TTN: variants seen among roughly 807,000 people sequenced by gnomAD.
TTN encodes the protein titin.
In TTN, 1,525 loss-of-function variants were observed where a neutral mutation model predicts 3,223.0. The observed-to-expected ratio is 0.47, with a 90% confidence interval of 0.45 to 0.49. The LOEUF (loss-of-function observed/expected upper bound fraction) is 0.49. Ranked by LOEUF, TTN falls within the 20% of genes least tolerant of loss-of-function variation. The probability of loss-of-function intolerance (pLI) is 0.00; values close to 1 mark genes in which losing one functional copy is unlikely to be tolerated. For missense variants in TTN, 40,786 were observed against 43,424.0 expected, an observed-to-expected ratio of 0.94 and a Z score of 5.40; for synonymous variants, 14,094 against 15,161.0, an observed-to-expected ratio of 0.93 and a Z score of 5.17.
intron 92 of TTN, 104 bp downstream of exon 92, chr2:178,713,793 G>A (rs2077050264): frequency 7.2e-7 from 1 of 1,391,886 alleles, no homozygotes; most frequent in Admixed American, 2.6e-5. Context: ...GAAGATGTCG[G>A]ACTCATGTTA....
chr2:178,724,171 C>G (rs1258093779), intron 72 of TTN, 28 bp from the exon 73 acceptor site: 4 of 1,590,330 alleles, frequency 2.5e-6, no homozygotes, highest in Admixed American at 3.5e-5. Context: ...AGAGACTCAT[C>G]ATGATTTGAA....
chr2:178,748,675 G>A lies in TTN; in HGVS notation c.11311+4449C>T, dbSNP rs747401073. Reference sequence around the variant, plus strand: ...TTATTTGAGTGTGAAACTGCTTTAAGTCAAATGTAATAGGTGATTCATGTT... The same window carrying A: ...TTATTTGAGTGTGAAACTGCTTTAAATCAAATGTAATAGGTGATTCATGTT... On this transcript the variant is annotated intron_variant, in intron 47 of 362. Coordinates refer to ENST00000589042, the MANE Select transcript of TTN (RefSeq NM_001267550.2). 34 of 1,612,690 alleles carry A rather than the reference G, an allele frequency of 2.1e-5. 1 individual carries two copies. In the Admixed American group the frequency reaches 4.8e-4, roughly 23 times the overall value.
At chr2:178,764,039 TAA>T (rs1312607228) in intron 43 of TTN, 136 bp downstream of exon 43, 2 of 1,294,628 alleles carry the variant, frequency 1.5e-6, no homozygotes, top group East Asian at 2.4e-5. Context: ...ATAATTGAAA[TAA>T]GTTTTCTGTT....
rs1256578583 is a variant in TTN at position 178,604,153 on chromosome 2, G to A, written c.54534C>T (p.Arg18178=). 6.2e-7 allele frequency: 1 copy of A among 1,612,294 alleles called. No individual in the cohort carries two copies. Among genetic ancestry groups the A allele is most frequent in the East Asian group, 2.2e-5 (1 of 44,712 alleles). The change falls in exon 282 of 363, where the codon CGC becomes CGT. Residue 18178 remains arginine, a synonymous_variant. Coordinates refer to ENST00000589042, the MANE Select transcript of TTN (RefSeq NM_001267550.2). ...GPPGKPKVLA[R]TKGSMLVSWT... Reference sequence around the variant, plus strand: ...AGCTCACTAGCATTGATCCTTTGGTGCGTGCCAAAACTTTTGGTTTTCCTG... The same window carrying A: ...AGCTCACTAGCATTGATCCTTTGGTACGTGCCAAAACTTTTGGTTTTCCTG...
At position 178,647,106 on chromosome 2, in the gene TTN, CT is replaced by C; in HGVS notation, c.40179del (p.Ala13394HisfsTer3). The C allele has an allele frequency of 1.4e-6, 2 of 1,420,872 alleles. No homozygotes were observed. The highest frequency in any genetic ancestry group is 1.9e-6 in the Non-Finnish European group (2 of 1,079,326). The allele number at this position is 1,420,872 out of a possible 1,614,324, so 88.0% of individuals were successfully genotyped here. On this transcript the variant is annotated frameshift_variant, in exon 215 of 363. Coordinates refer to ENST00000589042, the MANE Select transcript of TTN (RefSeq NM_001267550.2). LOFTEE classifies it high-confidence loss of function. Reference sequence around the variant, plus strand: ...TCTTTTCTACCAATGGTTATAGATGCTTTTTCTTCATATATTATTTCCTCAG... The same window carrying C: ...TCTTTTCTACCAATGGTTATAGATGCTTTTCTTCATATATTATTTCCTCAG... ...ETPEEIIYEE[K>X]ASITIGRKET...
chr2:178,553,547 C>T lies in TTN; in HGVS notation c.89458G>A (p.Glu29820Lys), dbSNP rs1700193837. The change falls in exon 334 of 363, where the codon GAA becomes AAA. Residue 29820 changes from glutamate to lysine, a missense_variant. Glu to Lys is a moderately conservative substitution (Grantham distance 56). Transcript: ENST00000589042. ...VSAVNCAGQG[E>K]PIEMNEPVQA... ...ACAGGTTCATTCATTTCTATAGGTT[C>T]TCCTTGTCCAGCACAGTTTACAGCA... The T allele has an allele frequency of 1.9e-6, 3 of 1,613,744 alleles. No homozygotes were observed. Among genetic ancestry groups the T allele is most frequent in the Non-Finnish European group, 2.5e-6 (3 of 1,179,722 alleles).
Position 178,553,987 on chromosome 2 carries a change from A to G in TTN, c.89124T>C (p.Val29708=). The change falls in exon 333 of 363, where the codon GTT becomes GTC. Residue 29708 remains valine (V), a synonymous_variant. Coordinates refer to ENST00000589042, the MANE Select transcript of TTN (RefSeq NM_001267550.2). The part of the protein sequence containing the change: ...LTENSDYQYR[V]CAVNAAGQGP... ...CCTGTCCAGCAGCGTTTACAGCACA[A>G]ACTCTGTATTGATAGTCACTGTTTT... 1.2e-6 allele frequency: 2 copies of G among 1,612,970 alleles called. No individual in the cohort carries two copies. Among genetic ancestry groups the G allele is most frequent in the South Asian group, 1.1e-5 (1 of 91,042 alleles).
At chr2:178,645,889 C>T in intron 217 of TTN, 31 bp downstream of exon 217, 1 of 1,383,686 alleles carries the variant, frequency 7.2e-7, no homozygotes, top group Non-Finnish European at 9.8e-7. Flanking sequence ...TTGAAGCAGG[C>T]TAATAAAACT....
At position 178,606,334 on chromosome 2, in the gene TTN, G is replaced by A. The variant is rs75724924; in HGVS notation, c.53582-621C>T. On this transcript the variant is annotated intron_variant, in intron 278 of 362. Coordinates refer to ENST00000589042, the MANE Select transcript of TTN (RefSeq NM_001267550.2). ...CCTCTGGCACAGCCTGTGGTATATT[G>A]GACGTTCATAGATGAGCTGCAGCAG... Among the ~76,000 whole-genome samples the A allele has an allele frequency of 4.6e-3, 698 of 151,918 alleles. 17 individuals carry two copies. In the East Asian group the frequency reaches 0.1, roughly 22 times the overall value.
intron 50 of TTN, 114 bp from the exon 51 acceptor site, chr2:178,735,102 A>G: frequency 8.4e-7 from 1 of 1,186,724 alleles, no homozygotes; most frequent in Middle Eastern, 2.8e-4. Context: ...TATCTCCACA[A>G]AATTTCTGTA....
chr2:178,606,734 T>G (rs2054953867), intron 278 of TTN, among the ~76,000 whole-genome samples: 2 of 151,986 alleles, frequency 1.3e-5, no homozygotes, highest in Non-Finnish European at 2.9e-5. Flanking sequence ...ACTGGAGAGA[T>G]ATAATATGTC....
At position 178,574,994 on chromosome 2, in the gene TTN, C is replaced by T; in HGVS notation, c.71138G>A (p.Gly23713Glu). 1 of 1,613,354 alleles carries T rather than the reference C, an allele frequency of 6.2e-7. No homozygotes were observed. Among genetic ancestry groups the T allele is most frequent in the Non-Finnish European group, 8.5e-7 (1 of 1,179,610 alleles). ...AATGGTGATGACATCACCAACCTCTCCTACAATGTTCCTTGCTGTTAATGG... is the reference window on the plus strand; with the variant it reads ...AATGGTGATGACATCACCAACCTCTTCTACAATGTTCCTTGCTGTTAATGG... ...PYPLTARNIVGEVGDVITIQV... is the reference protein window; with the variant it reads ...PYPLTARNIVEEVGDVITIQV... Residue 23713 changes from glycine to glutamate, a missense_variant, in exon 326 of 363, where the codon GGA becomes GAA. Transcript: ENST00000589042.
chr2:178,601,944 T>C, intron 284 of TTN, 30 bp from the exon 285 acceptor site: 1 of 1,612,694 alleles, frequency 6.2e-7, no homozygotes, highest in Non-Finnish European at 8.5e-7. Flanking sequence ...TCAGTTGTAG[T>C]ATAAATACTC....
intron 47 of TTN, chr2:178,746,339 A>G (rs2083542256): frequency 6.2e-7 from 1 of 1,612,370 alleles, no homozygotes; most frequent in South Asian, 1.1e-5. Flanking sequence ...TGGATCTACA[A>G]AATTAAATGG....
chr2:178,583,481 G>T, intron 312 of TTN, 126 bp downstream of exon 312: 1 of 1,040,838 alleles, frequency 9.6e-7, no homozygotes, highest in Non-Finnish European at 1.3e-6. Context: ...TAATGTTTGT[G>T]TCTATATACA....
At chr2:178,681,900 T>C (rs1021158064) in intron 135 of TTN, among the ~76,000 whole-genome samples, 162 bp from the exon 136 acceptor site, 7 of 152,032 alleles carry the variant, frequency 4.6e-5, no homozygotes, top group African/African-American at 1.4e-4. Flanking sequence ...CAAGCTCATA[T>C]TGCCCTTTCC....
At position 178,593,306 on chromosome 2, in the gene TTN, A is replaced by T. The variant is rs397517639; in HGVS notation, c.58902T>A (p.His19634Gln). 6.2e-7 allele frequency: 1 copy of T among 1,613,396 alleles called. No individual in the cohort carries two copies. Reference sequence around the variant, plus strand: ...CAGGAACCCTAAATTTAGTGTATGGATGAATAGGATCTTTGGTAACTCTAG... The same window carrying T: ...CAGGAACCCTAAATTTAGTGTATGGTTGAATAGGATCTTTGGTAACTCTAG... The part of the protein sequence containing the change: ...RWARVTKDPI[H>Q]PYTKFRVPDL... The change falls in exon 299 of 363, where the codon CAT becomes CAA. Residue 19634 changes from histidine to glutamine, a missense_variant. By Grantham distance (24) the His-to-Gln change is conservative. Coordinates refer to ENST00000589042, the MANE Select transcript of TTN (RefSeq NM_001267550.2).
chr2:178,675,013 T>C (rs2067728685), intron 150 of TTN, 26 bp downstream of exon 150: 1 of 1,394,984 alleles, frequency 7.2e-7, no homozygotes, highest in Admixed American at 2.7e-5. Flanking sequence ...GACTTTGAAA[T>C]GTTATTTTCT....
Position 178,529,051 on chromosome 2 carries a change from G to A in TTN, c.106700C>T (p.Ala35567Val). ...SQEKLALKEE[A>V]SKVLISEEVK... ...TTCTTCAGAAATCAGAACCTTTGAA[G>A]CTTCCTCTTTGAGGGCTAACTTTTC... Residue 35567 changes from alanine to valine, a missense_variant, in exon 360 of 363, where the codon GCT (alanine) becomes GTT (valine). Ala to Val is a moderately conservative substitution (Grantham distance 64). Transcript: ENST00000589042. 3 of 1,613,882 alleles carry A rather than the reference G, an allele frequency of 1.9e-6. No individual in the cohort carries two copies. The highest frequency in any genetic ancestry group is 2.2e-5 in the East Asian group (1 of 44,882).
Sources: allele counts gnomAD v4.1 joint callset (sites outside exome capture counted in the v4.1 genomes callset), GRCh38; gene constraint gnomAD v4.1.1; transcripts MANE v1.5; gene names NCBI Gene and HGNC (gene_info 2026-07-23, HGNC 2026-07-21).